MAP1B: variants seen among roughly 807,000 people sequenced by gnomAD.
MAP1B encodes microtubule associated protein 1B, also known as microtubule-associated protein 1B.
Under a neutral mutation model 176.1 loss-of-function variants are expected in MAP1B, and 12 were observed. That is an observed-to-expected ratio of 0.07 (90% CI 0.04 to 0.11). The LOEUF (loss-of-function observed/expected upper bound fraction) is 0.11, where lower values mean the gene tolerates loss of function less well. Among genes scored for constraint, MAP1B ranks in the 10% least tolerant of loss-of-function variants. MAP1B has a pLI of 1.00. For synonymous variants in MAP1B, 1,044 were observed against 1,135.0 expected (o/e 0.92, Z 1.61); for missense variants, 2,523 against 2,990.5 (o/e 0.84, Z 3.65).
Position 72,207,081 on chromosome 5 carries a change from G to A in MAP1B, c.*1842G>A, listed in dbSNP as rs377560233. 9 of 152,166 alleles carry A rather than the reference G, an allele frequency of 5.9e-5. No homozygotes were observed. In the East Asian group the frequency reaches 1.2e-3, roughly 20 times the overall value. The allele number at this position is 152,166 out of a possible 1,614,324, so 9.4% of individuals were successfully genotyped here. ...AAACAAATGAATTCTCAACTCCTAC[G>A]GTTCATGTAGAGTTTAGAGAAAATT... is the stretch of plus-strand genomic sequence containing the variant. On this transcript the variant is annotated 3_prime_UTR_variant, in exon 7 of 7. Coordinates refer to ENST00000296755, the MANE Select transcript of MAP1B (RefSeq NM_005909.5).
chr5:72,207,223 G>A lies in MAP1B; in HGVS notation c.*1984G>A, dbSNP rs985445578. 5 of 152,104 alleles carry A rather than the reference G, an allele frequency of 3.3e-5. No homozygotes were observed. The highest frequency in any genetic ancestry group is 5.9e-5 in the Non-Finnish European group (4 of 68,004). 9.4% of individuals were successfully genotyped at this position (152,104 alleles called of 1,614,324 possible). A position where few individuals can be genotyped will look rare whatever the true frequency, so the allele number is the denominator to read the frequency against. On this transcript the variant is annotated 3_prime_UTR_variant, in exon 7 of 7. Coordinates refer to ENST00000296755, the MANE Select transcript of MAP1B (RefSeq NM_005909.5). ...GTGTTCAGATGAGGCAAACTTCTCC[G>A]TGACAACTGTGCTGTGCTCTGTCAC...
chr5:72,161,255 TA>T (rs1195179451), intron 2 of MAP1B, among the ~76,000 whole-genome samples: 2 of 152,194 alleles, frequency 1.3e-5, no homozygotes, highest in East Asian at 3.8e-4. Flanking sequence ...ATCAATCACT[TA>T]ATCTCTCTAT....
intron 2 of MAP1B, among the ~76,000 whole-genome samples, chr5:72,161,201 G>A (rs1079383): frequency 0.11 from 16,176 of 152,170 alleles, 965 homozygotes; most frequent in South Asian, 0.17. Flanking sequence ...GATGCATGTG[G>A]GTTTGAGTCA....
rs760495951 is a variant in MAP1B, at chr5:72,197,540, G to T, written c.4185G>T (p.Leu1395Phe). Reference protein sequence around the residue: ...PDSESPIEKVLSPLRSPPLIG... With the variant: ...PDSESPIEKVFSPLRSPPLIG... Reference sequence around the variant, plus strand: ...CAGAGTCTCCTATTGAAAAAGTTTTGTCTCCTTTACGCAGCCCGCCCCTCA... The same window carrying T: ...CAGAGTCTCCTATTGAAAAAGTTTTTTCTCCTTTACGCAGCCCGCCCCTCA... The change falls in exon 5 of 7, where the codon TTG becomes TTT. Residue 1395 changes from leucine to phenylalanine, a missense_variant. Transcript: ENST00000296755. The T allele has an allele frequency of 6.2e-7, 1 of 1,614,116 alleles. No individual in the cohort carries two copies. Among genetic ancestry groups the T allele is most frequent in the South Asian group, 1.1e-5 (1 of 91,084 alleles).
intron 2 of MAP1B, among the ~76,000 whole-genome samples, chr5:72,124,956 C>T (rs114644227): frequency 1.1e-3 from 172 of 152,270 alleles, no homozygotes; most frequent in African/African-American, 4.1e-3. Flanking sequence ...ATCCTTATTG[C>T]AATAAAATTA....
intron 2 of MAP1B, among the ~76,000 whole-genome samples, chr5:72,149,921 G>A (rs956212146): frequency 3.3e-5 from 5 of 152,318 alleles, no homozygotes; most frequent in African/African-American, 1.2e-4. Context: ...AGCCACTTGA[G>A]TGCGCCACTG....
chr5:72,147,673 A>G (rs1006603259), intron 2 of MAP1B, among the ~76,000 whole-genome samples: 1 of 152,168 alleles, frequency 6.6e-6, no homozygotes, highest in African/African-American at 2.4e-5. Flanking sequence ...GGGACTACCC[A>G]TCCTCTCCTC....
At chr5:72,172,176 G>A (rs1418075538) in intron 2 of MAP1B, among the ~76,000 whole-genome samples, 3 of 152,186 alleles carry the variant, frequency 2.0e-5, no homozygotes, top group Non-Finnish European at 4.4e-5. Context: ...CAGAGCTCAG[G>A]TCTTGAACCT....
At position 72,178,314 on chromosome 5, in the gene MAP1B, C is replaced by T. The variant is rs115499694; in HGVS notation, c.287-5429C>T. On this transcript the variant is annotated intron_variant, in intron 2 of 6. Transcript: ENST00000296755. ...CACCGTGCCTGGCCTGAAAAACAGA[C>T]TTTAAAATCAAGACATTTAGTGCTT... Among the ~76,000 whole-genome samples, 722 of 152,352 alleles carry T rather than the reference C, an allele frequency of 4.7e-3. 5 individuals are homozygous for T. Among genetic ancestry groups the T allele is most frequent in the African/African-American group, 0.017 (699 of 41,578 alleles).
chr5:72,113,967 A>G (rs1391084203), intron 1 of MAP1B, among the ~76,000 whole-genome samples: 3 of 152,240 alleles, frequency 2.0e-5, no homozygotes, highest in Non-Finnish European at 4.4e-5. Context: ...CAAATACTCC[A>G]TTAGCACAAA....
Position 72,199,888 on chromosome 5 carries a change from T to C in MAP1B, c.6533T>C (p.Ile2178Thr). 6.2e-7 allele frequency: 1 copy of C among 1,614,018 alleles called. No individual in the cohort carries two copies. Among genetic ancestry groups the C allele is most frequent in the Non-Finnish European group, 8.5e-7 (1 of 1,180,002 alleles). The stretch of plus-strand genomic sequence containing the variant: ...CCCTCCATCACGGCCGATGCCAATA[T>C]CGACTCTGAAGACGAGTCGGAAACC... The part of the protein sequence containing the change: ...ECPSITADAN[I>T]DSEDESETIP... The change falls in exon 5 of 7, where the codon ATC (isoleucine) becomes ACC (threonine). Residue 2178 changes from isoleucine to threonine, a missense_variant. Transcript: ENST00000296755. The surrounding 1 kb of genome is among the most constrained non-coding windows in gnomAD (Gnocchi z 4.2).
intron 1 of MAP1B, among the ~76,000 whole-genome samples, chr5:72,114,958 A>G (rs1412484174): frequency 6.6e-6 from 1 of 152,224 alleles, no homozygotes; most frequent in East Asian, 1.9e-4. Flanking sequence ...AAAGTATAAA[A>G]AGTTGCCATT....
At chr5:72,154,597 C>T (rs903690440) in intron 2 of MAP1B, among the ~76,000 whole-genome samples, 2 of 152,110 alleles carry the variant, frequency 1.3e-5, no homozygotes, top group Non-Finnish European at 2.9e-5. Context: ...CAGAGTTTTC[C>T]TGAATAAACA....
At chr5:72,172,806 A>T (rs1349424324) in intron 2 of MAP1B, among the ~76,000 whole-genome samples, 1 of 152,210 alleles carries the variant, frequency 6.6e-6, no homozygotes, top group African/African-American at 2.4e-5. Flanking sequence ...TTGATCAATA[A>T]GGTATTCATC....
intron 1 of MAP1B, among the ~76,000 whole-genome samples, chr5:72,112,847 G>A (rs1431316478): frequency 6.6e-6 from 1 of 152,130 alleles, no homozygotes; most frequent in African/African-American, 2.4e-5. Flanking sequence ...AGCTTGACTT[G>A]GTGTATATTG....
At position 72,108,570 on chromosome 5, in the gene MAP1B, G is replaced by A. The variant is rs1324127402; in HGVS notation, c.184+855G>A. On this transcript the variant is annotated intron_variant, in intron 1 of 6. Transcript: ENST00000296755. ...GCGGAGGCCGAATAGCGGTACGCCG[G>A]GGACCCTGGGCGGGGCCGTGAGGGT... is the stretch of plus-strand genomic sequence containing the variant. 5.3e-5 allele frequency among the ~76,000 whole-genome samples: 8 copies of A among 152,222 alleles called. 1 individual carries two copies. The South Asian group carries it at 1.0e-3, about 20-fold the overall frequency.
rs200534593 is a variant in MAP1B, at chr5:72,195,336, G to A, written c.1981G>A (p.Ala661Thr). 6.2e-7 allele frequency: 1 copy of A among 1,601,686 alleles called. No homozygotes were observed. Among genetic ancestry groups the A allele is most frequent in the African/African-American group, 1.4e-5 (1 of 73,758 alleles). Residue 661 changes from alanine (A) to threonine (T), a missense_variant, in exon 5 of 7, where the codon GCT (alanine) becomes ACT (threonine). By Grantham distance (58) the Ala-to-Thr change is moderately conservative (BLOSUM62 0). Coordinates refer to ENST00000296755, the MANE Select transcript of MAP1B (RefSeq NM_005909.5). ...GAAAGAAAAGCCAAAGAAAGAAGTG[G>A]CTAAAAAGGAGGACAAAACACCTAT... ...EEKEKPKKEVAKKEDKTPIKK... is the reference protein window; with the variant it reads ...EEKEKPKKEVTKKEDKTPIKK...
In MAP1B at chr5:72,193,973, C is replaced by G. The variant is rs1292324002; in HGVS notation, c.618C>G (p.Leu206=). Reference sequence around the variant, plus strand: ...ACTCCAATCTTGACAGACACAATCTCCAAGACTTCATCAATATTAAACTCA... The same window carrying G: ...ACTCCAATCTTGACAGACACAATCTGCAAGACTTCATCAATATTAAACTCA... ...WKNSNLDRHN[L]QDFINIKLNS... Residue 206 remains leucine (L), a synonymous_variant, in exon 5 of 7, where the codon CTC becomes CTG. Coordinates refer to ENST00000296755, the MANE Select transcript of MAP1B (RefSeq NM_005909.5). The G allele has an allele frequency of 6.2e-7, 1 of 1,614,172 alleles. No individual in the cohort carries two copies. The highest frequency in any genetic ancestry group is 8.5e-7 in the Non-Finnish European group (1 of 1,180,024).
chr5:72,175,720 G>C (rs906980730), intron 2 of MAP1B, among the ~76,000 whole-genome samples: 1 of 152,126 alleles, frequency 6.6e-6, no homozygotes, highest in Non-Finnish European at 1.5e-5. Flanking sequence ...TAGAAAGCAG[G>C]TCAAATGAGA....
Sources: gnomAD v4.1 joint callset for allele counts (sites outside exome capture counted in the v4.1 genomes callset) on GRCh38, gnomAD v4.1.1 for gene constraint, Gnocchi (gnomAD v3.1) non-coding constraint, MANE v1.5 for transcripts, NCBI Gene and HGNC (gene_info 2026-07-23, HGNC 2026-07-21) for gene names.